ATP11C: variants seen among roughly 807,000 people sequenced by gnomAD.
ATP11C encodes the protein ATPase phospholipid transporting 11C (ATP11C blood group).
Under a neutral mutation model 97.4 loss-of-function variants are expected in ATP11C, and 36 were observed. That is an observed-to-expected ratio of 0.37 (90% CI 0.28 to 0.49). ATP11C has a LOEUF of 0.49. ATP11C is among the 20% of genes least tolerant of loss of function. ATP11C has a pLI of 0.98. For missense variants in ATP11C, 730 were observed against 824.6 expected (o/e 0.89, Z 1.40); for synonymous variants, 275 against 290.9 (o/e 0.95, Z 0.56).
At chrX:139,814,836 G>A (rs913381911) in intron 5 of ATP11C, 42 bp downstream of exon 5, 1 of 782,871 alleles carries the variant, frequency 1.3e-6, no homozygotes, top group Admixed American at 3.2e-5. Flanking sequence ...TTAAAATGGT[G>A]TATTTTTACC....
At chrX:139,777,002 G>C (rs1366023770) in intron 18 of ATP11C, among the ~76,000 whole-genome samples, 1 of 110,995 alleles carries the variant, frequency 9.0e-6, no homozygotes, top group Non-Finnish European at 1.9e-5. Context: ...ATATCCTCAA[G>C]GGAAAAAAGA....
intron 1 of ATP11C, among the ~76,000 whole-genome samples, chrX:139,902,302 A>T (rs1263710804): frequency 2.7e-5 from 3 of 110,977 alleles, no homozygotes; most frequent in Admixed American, 1.9e-4. Context: ...CACCTTGCAC[A>T]CATATCATCA....
At chrX:139,874,351 C>T (rs1194850228) in intron 1 of ATP11C, among the ~76,000 whole-genome samples, 1 of 109,277 alleles carries the variant, frequency 9.2e-6, no homozygotes, top group Non-Finnish European at 1.9e-5. Context: ...TGAGCCACCG[C>T]GCCTGGCACA....
At chrX:139,830,694 C>CA (rs1217984064) in intron 1 of ATP11C, among the ~76,000 whole-genome samples, 1 of 111,629 alleles carries the variant, frequency 9.0e-6, no homozygotes, top group Admixed American at 9.5e-5. Flanking sequence ...CAAAAATGAA[C>CA]AAAAAAATTT....
In ATP11C at chrX:139,785,286, G is replaced by A. The variant is rs778570495; in HGVS notation, c.1606C>T (p.His536Tyr). 27 of 1,202,715 alleles carry A rather than the reference G, an allele frequency of 2.2e-5. 1 individual carries two copies. In the South Asian group the frequency reaches 4.8e-4, roughly 22 times the overall value. Residue 536 changes from histidine (H) to tyrosine (Y), a missense_variant, in exon 16 of 30, where the codon CAC becomes TAC. By Grantham distance (83) the His-to-Tyr change is moderately conservative. Transcript: ENST00000682941. ...RKEIEEYELL[H>Y]TLNFDAVRRR... The stretch of plus-strand genomic sequence containing the variant: ...CGGACAGCATCAAAGTTTAAGGTGT[G>A]AAGAAGTTCATATCTTTAAGAGAAA...
At chrX:139,738,539 G>A (rs890151134) in intron 27 of ATP11C, among the ~76,000 whole-genome samples, 3 of 111,904 alleles carry the variant, frequency 2.7e-5, no homozygotes, top group African/African-American at 9.7e-5. Flanking sequence ...AAGGACAGTA[G>A]AAGCTTATCA....
chrX:139,893,419 G>A (rs2084759871), intron 1 of ATP11C, among the ~76,000 whole-genome samples: 1 of 111,724 alleles, frequency 9.0e-6, no homozygotes, highest in Admixed American at 9.5e-5. Flanking sequence ...ATCTATTCAT[G>A]TTCACATTTC....
chrX:139,763,486 G>A, intron 20 of ATP11C, 68 bp from the exon 21 acceptor site: 7 of 794,213 alleles, frequency 8.8e-6, no homozygotes, highest in Non-Finnish European at 1.3e-5. Context: ...CTACTTTAGG[G>A]GTTTATGCCT....
chrX:139,867,885 T>C (rs922261900), intron 1 of ATP11C, among the ~76,000 whole-genome samples: 2 of 111,560 alleles, frequency 1.8e-5, no homozygotes, highest in Non-Finnish European at 3.8e-5. Flanking sequence ...ACCTAGGTGA[T>C]AACTGTTGAG....
intron 1 of ATP11C, chrX:139,885,535 A>G (rs2084627988): frequency 8.9e-6 from 1 of 112,033 alleles, no homozygotes; most frequent in African/African-American, 3.2e-5. Context: ...AAAAATTTCT[A>G]TGACTTATAA....
chrX:139,781,746 T>TAAAA (rs1244465427), intron 18 of ATP11C, among the ~76,000 whole-genome samples: 1 of 110,190 alleles, frequency 9.1e-6, no homozygotes, highest in Non-Finnish European at 1.9e-5. Context: ...AAAATAAAAA[T>TAAAA]AAAATAAAAT....
intron 1 of ATP11C, among the ~76,000 whole-genome samples, chrX:139,840,827 C>T (rs1356482131): frequency 9.1e-6 from 1 of 109,424 alleles, no homozygotes; most frequent in African/African-American, 3.3e-5. Context: ...AGAAATATCA[C>T]TAACCTATAT....
intron 3 of ATP11C, 65 bp from the exon 4 acceptor site, chrX:139,817,008 A>G (rs2083300037): frequency 1.5e-6 from 1 of 665,046 alleles, no homozygotes; most frequent in Non-Finnish European, 2.3e-6. Context: ...TGCAGCACTT[A>G]CATGCTGCAA....
At chrX:139,896,471 G>A (rs1285033122) in intron 1 of ATP11C, among the ~76,000 whole-genome samples, 2 of 109,215 alleles carry the variant, frequency 1.8e-5, no homozygotes, top group Non-Finnish European at 3.8e-5. Context: ...ACCTAGATGG[G>A]ATCCTGAAAA....
intron 10 of ATP11C, among the ~76,000 whole-genome samples, chrX:139,797,904 T>C (rs2082836133): frequency 9.0e-6 from 1 of 111,489 alleles, no homozygotes; most frequent in Non-Finnish European, 1.9e-5. Context: ...TAGAACCAAC[T>C]TGCATATAGC....
At chrX:139,745,416 A>C (rs1195002125) in intron 25 of ATP11C, among the ~76,000 whole-genome samples, 3 of 111,739 alleles carry the variant, frequency 2.7e-5, no homozygotes, top group African/African-American at 9.8e-5. Context: ...AAATGGGAAA[A>C]ACCTTTCTCA....
chrX:139,780,170 TGA>T (rs1169848159), intron 18 of ATP11C, among the ~76,000 whole-genome samples: 2 of 111,307 alleles, frequency 1.8e-5, no homozygotes, highest in Non-Finnish European at 3.8e-5. Context: ...GAAAAATCAG[TGA>T]GGTGAGATTC....
At chrX:139,924,913 T>A (rs996288937) in intron 1 of ATP11C, among the ~76,000 whole-genome samples, 5 of 111,738 alleles carry the variant, frequency 4.5e-5, no homozygotes, top group African/African-American at 1.6e-4. Context: ...CTATAATAAA[T>A]CACATCCGCA....
At chrX:139,751,968 T>C (rs1005093582) in intron 23 of ATP11C, among the ~76,000 whole-genome samples, 3 of 111,522 alleles carry the variant, frequency 2.7e-5, no homozygotes, top group Non-Finnish European at 3.8e-5. Context: ...CCAAAGATAT[T>C]TGCAATAAAG....
Sources: gnomAD v4.1 joint callset for allele counts (sites outside exome capture counted in the v4.1 genomes callset) on GRCh38, gnomAD v4.1.1 for gene constraint, MANE v1.5 for transcripts, NCBI Gene and HGNC (gene_info 2026-07-23, HGNC 2026-07-21) for gene names.